CSMD3: variants seen among roughly 807,000 people sequenced by gnomAD.
The protein encoded by CSMD3 is CUB and Sushi multiple domains 3.
A neutral mutation model predicts 435.2 loss-of-function variants in CSMD3; 177 were observed. The observed-to-expected ratio is 0.41, with a 90% CI of 0.36 to 0.46. The LOEUF (loss-of-function observed/expected upper bound fraction) is 0.46. Ranked by LOEUF, CSMD3 falls within the 20% of genes least tolerant of loss-of-function variation. The pLI, the probability that CSMD3 is intolerant of heterozygous loss-of-function variation, is 0.34. For missense variants in CSMD3, 4,265 were observed against 4,504.6 expected (o/e 0.95, Z 1.52); for synonymous variants, 1,656 against 1,520.5 (o/e 1.09, Z -2.07).
intron 6 of CSMD3, among the ~76,000 whole-genome samples, chr8:112,991,649 TACCA>T (rs2085460115): frequency 6.6e-6 from 1 of 151,792 alleles, no homozygotes; most frequent in African/African-American, 2.4e-5. Flanking sequence ...AAAAGTAATA[TACCA>T]GTCAGTCAGT....
chr8:112,441,490 C>A (rs1259632906), intron 32 of CSMD3, among the ~76,000 whole-genome samples: 1 of 152,210 alleles, frequency 6.6e-6, no homozygotes, highest in African/African-American at 2.4e-5. Flanking sequence ...TCCAAAGTCA[C>A]TTCCACATTT....
At chr8:113,101,798 T>C (rs1005379510) in intron 4 of CSMD3, among the ~76,000 whole-genome samples, 4 of 152,068 alleles carry the variant, frequency 2.6e-5, no homozygotes, top group African/African-American at 9.7e-5. Context: ...TGACAGAGAC[T>C]ATCATAGAAT....
chr8:113,017,301 T>G (rs1448143407), intron 6 of CSMD3, among the ~76,000 whole-genome samples: 1 of 151,998 alleles, frequency 6.6e-6, no homozygotes, highest in Non-Finnish European at 1.5e-5. Context: ...ATGCTGAAAT[T>G]TATAAGTAAG....
At chr8:112,368,809 A>G (rs55696370) in intron 38 of CSMD3, among the ~76,000 whole-genome samples, 59,897 of 151,946 alleles carry the variant, frequency 0.39, 13,285 homozygotes, top group Middle Eastern at 0.53. Context: ...AAGCTCTGAG[A>G]TTATTTTCTA....
At chr8:112,521,196 T>C (rs1345045833) in intron 27 of CSMD3, among the ~76,000 whole-genome samples, 1 of 151,918 alleles carries the variant, frequency 6.6e-6, no homozygotes, top group African/African-American at 2.4e-5. Flanking sequence ...AATATCCCCA[T>C]CCTCTTTCAG....
intron 5 of CSMD3, among the ~76,000 whole-genome samples, chr8:113,055,065 A>G (rs1205220788): frequency 6.6e-6 from 1 of 152,116 alleles, no homozygotes; most frequent in African/African-American, 2.4e-5. Context: ...TATTCACTAC[A>G]TAGCATATTT....
chr8:112,798,891 A>G (rs772244786), intron 13 of CSMD3, among the ~76,000 whole-genome samples: 1 of 151,864 alleles, frequency 6.6e-6, no homozygotes, highest in Non-Finnish European at 1.5e-5. Context: ...AGAAAAAGAT[A>G]CATTTCAAGA....
At chr8:112,476,274 G>C (rs1351783586) in intron 31 of CSMD3, among the ~76,000 whole-genome samples, 8 of 152,106 alleles carry the variant, frequency 5.3e-5, no homozygotes, top group Non-Finnish European at 1.0e-4. Flanking sequence ...TTGAACTCCT[G>C]ACCTCAGGTT....
intron 31 of CSMD3, among the ~76,000 whole-genome samples, chr8:112,489,109 T>G (rs2130834830): frequency 6.6e-6 from 1 of 152,310 alleles, no homozygotes; most frequent in East Asian, 1.9e-4. Context: ...CTTTAAATAC[T>G]AAATTTGACT....
Position 112,832,466 on chromosome 8 carries a change from G to A in CSMD3, c.1756-2677C>T. Among the ~76,000 whole-genome samples the A allele has an allele frequency of 1.3e-5, 2 of 152,086 alleles. 1 individual carries two copies. Among genetic ancestry groups the A allele is most frequent in the South Asian group, 4.2e-4 (2 of 4,816 alleles). On this transcript the variant is annotated intron_variant, in intron 11 of 70. Transcript: ENST00000297405. ...ATTCAGGAGATTCCCTTTAAAAGAAGGTCCAGAAATGAGAGATCAAAAAAC... is the reference window on the plus strand; with the variant it reads ...ATTCAGGAGATTCCCTTTAAAAGAAAGTCCAGAAATGAGAGATCAAAAAAC...
chr8:113,339,842 T>C (rs111395986), intron 1 of CSMD3, among the ~76,000 whole-genome samples: 9 of 152,158 alleles, frequency 5.9e-5, no homozygotes, highest in African/African-American at 2.2e-4. Flanking sequence ...CTTACTTGTC[T>C]ACCATTATGA....
At chr8:112,915,748 A>G (rs1227535588) in intron 10 of CSMD3, among the ~76,000 whole-genome samples, 1 of 151,842 alleles carries the variant, frequency 6.6e-6, no homozygotes, top group East Asian at 1.9e-4. Context: ...CACTGAACAA[A>G]TTTGAAACCT....
chr8:112,974,660 A>T (rs1235429971), intron 7 of CSMD3, among the ~76,000 whole-genome samples: 1 of 151,860 alleles, frequency 6.6e-6, no homozygotes, highest in Admixed American at 6.6e-5. Context: ...TTTTGAGAAG[A>T]CTATTATAGG....
chr8:112,349,876 TC>T (rs1825990853), intron 40 of CSMD3, among the ~76,000 whole-genome samples: 1 of 152,060 alleles, frequency 6.6e-6, no homozygotes, highest in Non-Finnish European at 1.5e-5. Flanking sequence ...CTTAATTATG[TC>T]CCCCCAAAAT....
chr8:112,585,965 A>T (rs911371704), intron 23 of CSMD3, among the ~76,000 whole-genome samples: 1 of 151,790 alleles, frequency 6.6e-6, no homozygotes, highest in East Asian at 1.9e-4. Context: ...TACATAGTGA[A>T]TTTTGTTGCC....
chr8:113,352,312 A>G (rs2094195384), intron 1 of CSMD3, among the ~76,000 whole-genome samples: 1 of 152,240 alleles, frequency 6.6e-6, no homozygotes, highest in Middle Eastern at 3.4e-3. Flanking sequence ...AGAGAAAGCC[A>G]TGTGAAGAGG....
chr8:113,034,763 T>C (rs1423005829), intron 5 of CSMD3, among the ~76,000 whole-genome samples: 1 of 152,048 alleles, frequency 6.6e-6, no homozygotes, highest in African/African-American at 2.4e-5. Flanking sequence ...ATGCAAATAT[T>C]AATCAAATCA....
intron 14 of CSMD3, among the ~76,000 whole-genome samples, chr8:112,689,361 A>C (rs964742947): frequency 1.3e-5 from 2 of 151,962 alleles, no homozygotes; most frequent in African/African-American, 4.8e-5. Context: ...TTTTAATCCA[A>C]GCATATTGTA....
rs567840344 is a variant in CSMD3, at chr8:112,700,105, CTG to C, written c.1973-10057_1973-10056del. 1.2e-3 allele frequency among the ~76,000 whole-genome samples: 177 copies of C among 152,212 alleles called. 2 individuals carry two copies. Among genetic ancestry groups the C allele is most frequent in the African/African-American group, 4.0e-3 (166 of 41,534 alleles). On this transcript the variant is annotated intron_variant, in intron 13 of 70. Coordinates refer to ENST00000297405, the MANE Select transcript of CSMD3 (RefSeq NM_198123.2). ...GTTTTTTGTTTTGGTGCAATTCAAACTGAATATTTGGGAATGATGAGCTATTA... is the reference window on the plus strand; with the variant it reads ...GTTTTTTGTTTTGGTGCAATTCAAACAATATTTGGGAATGATGAGCTATTA...
Sources: gnomAD v4.1 joint callset for allele counts (sites outside exome capture counted in the v4.1 genomes callset) on GRCh38, gnomAD v4.1.1 for gene constraint, MANE v1.5 for transcripts, NCBI Gene and HGNC (gene_info 2026-07-23, HGNC 2026-07-21) for gene names.